Variants in SLC22A3 observed in about 807,000 individuals in gnomAD.
SLC22A3 encodes EMT organic cation transporter 3.
In SLC22A3, 51 loss-of-function variants were observed where a neutral mutation model predicts 59.1. That is an observed-to-expected ratio of 0.86 (90% confidence interval 0.69 to 1.09). The LOEUF (loss-of-function observed/expected upper bound fraction) is 1.09. Ranked by LOEUF, SLC22A3 falls within the 50% of genes least tolerant of loss-of-function variation. SLC22A3 has a pLI of 0.00. For synonymous variants in SLC22A3, 325 were observed against 292.0 expected, an observed-to-expected ratio of 1.11 and a Z score of -1.15; for missense variants, 711 against 726.3, an observed-to-expected ratio of 0.98 and a Z score of 0.24.
At chr6:160,423,531 C>T (rs1787834472) in intron 5 of SLC22A3, among the ~76,000 whole-genome samples, 1 of 152,172 alleles carries the variant, frequency 6.6e-6, no homozygotes, top group Admixed American at 6.5e-5. Context: ...GCCATTCTAA[C>T]TGGTGTGAGA....
At chr6:160,367,069 A>G (rs545765004) in intron 1 of SLC22A3, among the ~76,000 whole-genome samples, 4 of 152,226 alleles carry the variant, frequency 2.6e-5, no homozygotes, top group African/African-American at 9.6e-5. Flanking sequence ...TGGAGTACCA[A>G]TTTACTATAT....
chr6:160,378,762 G>A (rs2114790280), intron 1 of SLC22A3, among the ~76,000 whole-genome samples: 1 of 152,192 alleles, frequency 6.6e-6, no homozygotes, highest in East Asian at 1.9e-4. Context: ...CTAGCCTGCA[G>A]TCGGGCAAAA....
At chr6:160,447,455 CTCAG>C (rs1366512018) in intron 9 of SLC22A3, among the ~76,000 whole-genome samples, 1 of 152,212 alleles carries the variant, frequency 6.6e-6, no homozygotes, top group Non-Finnish European at 1.5e-5. Flanking sequence ...TAAGAAGGAA[CTCAG>C]TCAATCACTG....
intron 5 of SLC22A3, among the ~76,000 whole-genome samples, chr6:160,417,662 C>T (rs190658271): frequency 1.0e-3 from 156 of 152,310 alleles, no homozygotes; most frequent in African/African-American, 3.6e-3. Flanking sequence ...AATGATATTG[C>T]TTTGGCCTCA....
At chr6:160,375,649 G>T (rs1785562397) in intron 1 of SLC22A3, among the ~76,000 whole-genome samples, 1 of 152,166 alleles carries the variant, frequency 6.6e-6, no homozygotes, top group Non-Finnish European at 1.5e-5. Context: ...AAGGAATAAA[G>T]TCTTGTTTAT....
chr6:160,408,626 C>T (rs1189201554), intron 3 of SLC22A3, 127 bp from the exon 4 acceptor site: 8 of 832,630 alleles, frequency 9.6e-6, no homozygotes, highest in Non-Finnish European at 1.5e-5. Context: ...TGGAAGCCTC[C>T]GTATCTGAGT....
At chr6:160,401,630 T>C (rs1045001587) in intron 2 of SLC22A3, among the ~76,000 whole-genome samples, 1 of 151,980 alleles carries the variant, frequency 6.6e-6, no homozygotes, top group African/African-American at 2.4e-5. Flanking sequence ...TGAGAATATG[T>C]TTCTTATTCT....
chr6:160,389,194 G>T (rs1734975131), intron 1 of SLC22A3, among the ~76,000 whole-genome samples: 1 of 152,124 alleles, frequency 6.6e-6, no homozygotes, highest in Non-Finnish European at 1.5e-5. Flanking sequence ...TGATTAAAAA[G>T]TTGTGTGACC....
At chr6:160,371,317 T>C (rs1416935265) in intron 1 of SLC22A3, among the ~76,000 whole-genome samples, 3 of 152,206 alleles carry the variant, frequency 2.0e-5, no homozygotes, top group Non-Finnish European at 4.4e-5. Context: ...TTTCTCCTAA[T>C]GCTATCCCTC....
intron 5 of SLC22A3, among the ~76,000 whole-genome samples, chr6:160,431,899 A>C (rs1158625480): frequency 6.6e-6 from 1 of 152,186 alleles, no homozygotes; most frequent in Non-Finnish European, 1.5e-5. Context: ...TTCTAGCAAC[A>C]GCAGCATTCA....
intron 7 of SLC22A3, among the ~76,000 whole-genome samples, chr6:160,439,507 C>T (rs1788470469): frequency 6.6e-6 from 1 of 152,002 alleles, no homozygotes; most frequent in Admixed American, 6.6e-5. Flanking sequence ...CAGAATGACC[C>T]CAGAAAGCAT....
chr6:160,451,134 C>T lies in SLC22A3; in HGVS notation c.*78C>T, dbSNP rs1026765668. The T allele has an allele frequency of 1.6e-5, 22 of 1,334,876 alleles. No homozygotes were observed. The Admixed American group carries it at 3.2e-4, about 20-fold the overall frequency. 82.7% of individuals were successfully genotyped at this position (1,334,876 alleles called of 1,614,324 possible). On this transcript the variant is annotated 3_prime_UTR_variant, in exon 11 of 11. Transcript: ENST00000275300. ...CAAAGCTGTGCCTTGCAGAGATGCA[C>T]GTGTGCATTTCAGCTACATCATGCC...
At chr6:160,352,729 A>G (rs1209455027) in intron 1 of SLC22A3, among the ~76,000 whole-genome samples, 2 of 152,208 alleles carry the variant, frequency 1.3e-5, no homozygotes, top group African/African-American at 2.4e-5. Flanking sequence ...TGAAACATCA[A>G]CAATTCAACA....
chr6:160,400,775 G>A (rs1786740720), intron 2 of SLC22A3, among the ~76,000 whole-genome samples: 1 of 151,944 alleles, frequency 6.6e-6, no homozygotes, highest in Non-Finnish European at 1.5e-5. Context: ...ATGCCAAGAA[G>A]TCTGATGCAT....
intron 1 of SLC22A3, among the ~76,000 whole-genome samples, chr6:160,357,717 T>TA (rs1183852703): frequency 3.3e-5 from 5 of 152,204 alleles, no homozygotes; most frequent in Non-Finnish European, 5.9e-5. Context: ...CCTGGATAGT[T>TA]AAAAACATTA....
At chr6:160,409,875 A>G (rs1787176202) in intron 4 of SLC22A3, among the ~76,000 whole-genome samples, 1 of 152,242 alleles carries the variant, frequency 6.6e-6, no homozygotes, top group African/African-American at 2.4e-5. Context: ...TCAACATGCA[A>G]ATTAAATGCA....
intron 9 of SLC22A3, among the ~76,000 whole-genome samples, chr6:160,446,723 A>G (rs558960732): frequency 7.2e-4 from 110 of 152,360 alleles, no homozygotes; most frequent in Non-Finnish European, 1.1e-3. Flanking sequence ...CCAGTCATCA[A>G]GCACAGATAT....
chr6:160,445,083 AC>A (rs1788690882), intron 9 of SLC22A3, among the ~76,000 whole-genome samples: 1 of 152,228 alleles, frequency 6.6e-6, no homozygotes, highest in Non-Finnish European at 1.5e-5. Flanking sequence ...GGGGCCTGAG[AC>A]TGCGAGGGGA....
intron 5 of SLC22A3, among the ~76,000 whole-genome samples, chr6:160,412,823 G>A (rs1309550073): frequency 6.6e-6 from 1 of 151,712 alleles, no homozygotes; most frequent in Non-Finnish European, 1.5e-5. Context: ...GTAAGTCCAA[G>A]GTTTTGATCT....
Sources: allele counts gnomAD v4.1 joint callset (sites outside exome capture counted in the v4.1 genomes callset), GRCh38; gene constraint gnomAD v4.1.1; transcripts MANE v1.5; gene names NCBI Gene and HGNC (gene_info 2026-07-23, HGNC 2026-07-21).